Variants in ITGB6 observed in about 807,000 individuals in gnomAD.
The protein encoded by ITGB6 is integrin beta-6.
In ITGB6, 80 loss-of-function variants were observed where a neutral mutation model predicts 84.5. That is an observed-to-expected ratio of 0.95 (90% CI 0.79 to 1.14). The LOEUF is 1.14. Among genes scored for constraint, ITGB6 ranks in the 50% most tolerant of loss-of-function variants. The probability of loss-of-function intolerance (pLI) is 0.00; values close to 1 mark genes in which losing one functional copy is unlikely to be tolerated. For synonymous variants in ITGB6, 383 were observed against 354.9 expected, an observed-to-expected ratio of 1.08 and a Z score of -0.89; for missense variants, 1,006 against 968.0, an observed-to-expected ratio of 1.04 and a Z score of -0.52.
In ITGB6 at chr2:160,126,552, A is replaced by G; in HGVS notation, c.1710T>C (p.Thr570=). Residue 570 remains threonine, a synonymous_variant, in exon 11 of 15, where the codon ACT becomes ACC. Coordinates refer to ENST00000283249, the MANE Select transcript of ITGB6 (RefSeq NM_000888.5). ...CGECVCRSGW[T]GEYCNCTTST... ...TGGTGGTGCAGTTGCAGTACTCGCCAGTCCAGCCGCTCCTGCACACACATT... is the reference window on the plus strand; with the variant it reads ...TGGTGGTGCAGTTGCAGTACTCGCCGGTCCAGCCGCTCCTGCACACACATT... 1 of 1,613,950 alleles carries G rather than the reference A, an allele frequency of 6.2e-7. No individual in the cohort carries two copies. The highest frequency in any genetic ancestry group is 8.5e-7 in the Non-Finnish European group (1 of 1,179,994).
At chr2:160,143,880 G>A (rs1684092424) in intron 7 of ITGB6, among the ~76,000 whole-genome samples, 1 of 152,192 alleles carries the variant, frequency 6.6e-6, no homozygotes, top group Admixed American at 6.5e-5. Context: ...CCGGGCACTT[G>A]CTAGAAGTGG....
At chr2:160,122,559 T>C (rs780341882) in intron 12 of ITGB6, among the ~76,000 whole-genome samples, 10 of 152,188 alleles carry the variant, frequency 6.6e-5, no homozygotes, top group Non-Finnish European at 1.2e-4. Context: ...CAGGTACTAA[T>C]GTGGGAAGTC....
At chr2:160,154,989 G>A (rs1171682814) in intron 7 of ITGB6, among the ~76,000 whole-genome samples, 1 of 152,052 alleles carries the variant, frequency 6.6e-6, no homozygotes, top group African/African-American at 2.4e-5. Context: ...AGTGAGTGAG[G>A]TCTCATGAGA....
chr2:160,134,336 T>C (rs1424530077), intron 10 of ITGB6, among the ~76,000 whole-genome samples: 3 of 151,834 alleles, frequency 2.0e-5, no homozygotes, highest in Non-Finnish European at 4.4e-5. Context: ...ACACATACAC[T>C]CTCCCAAGAC....
rs529980750 is a variant in ITGB6 at position 160,153,610 on chromosome 2, C to T, written c.1018-11539G>A. On this transcript the variant is annotated intron_variant, in intron 7 of 14. Coordinates refer to ENST00000283249, the MANE Select transcript of ITGB6 (RefSeq NM_000888.5). Reference sequence around the variant, plus strand: ...AATGGGATCTAATTAAACTAAAGAGCTTCTGCACAGTAAAAGAAACTACCA... The same window carrying T: ...AATGGGATCTAATTAAACTAAAGAGTTTCTGCACAGTAAAAGAAACTACCA... Among the ~76,000 whole-genome samples the T allele has an allele frequency of 8.7e-3, 1,326 of 152,254 alleles. 26 individuals are homozygous for T. Among genetic ancestry groups the T allele is most frequent in the African/African-American group, 0.031 (1,279 of 41,562 alleles).
chr2:160,170,143 T>C (rs1232383257), intron 6 of ITGB6, among the ~76,000 whole-genome samples: 3 of 152,160 alleles, frequency 2.0e-5, no homozygotes, highest in East Asian at 1.9e-4. Flanking sequence ...AAGTAACATA[T>C]GTTAATTATG....
At chr2:160,183,342 G>T (rs1489610188) in intron 4 of ITGB6, among the ~76,000 whole-genome samples, 2 of 151,904 alleles carry the variant, frequency 1.3e-5, no homozygotes, top group Non-Finnish European at 2.9e-5. Context: ...TTACAATCCT[G>T]GTCTCTGATA....
intron 3 of ITGB6, among the ~76,000 whole-genome samples, chr2:160,195,994 T>A (rs1183823625): frequency 7.2e-5 from 11 of 152,200 alleles, no homozygotes; most frequent in Non-Finnish European, 4.4e-5. Context: ...ATAATTTAAA[T>A]GGTTACTATT....
At chr2:160,144,040 G>A (rs969757292) in intron 7 of ITGB6, among the ~76,000 whole-genome samples, 1 of 152,094 alleles carries the variant, frequency 6.6e-6, no homozygotes, top group Non-Finnish European at 1.5e-5. Flanking sequence ...TGTTGTTGTT[G>A]TTAATTTTTA....
chr2:160,170,579 GT>G (rs1685163293), intron 6 of ITGB6, among the ~76,000 whole-genome samples: 1 of 152,160 alleles, frequency 6.6e-6, no homozygotes, highest in African/African-American at 2.4e-5. Flanking sequence ...AGCGAAGCTG[GT>G]TTTCTATTTG....
intron 4 of ITGB6, among the ~76,000 whole-genome samples, chr2:160,180,789 C>A (rs952751042): frequency 4.6e-5 from 7 of 152,124 alleles, no homozygotes; most frequent in Admixed American, 3.3e-4. Context: ...CTGAGGTACC[C>A]AGCTCATCTC....
chr2:160,143,859 T>C (rs1047671080), intron 7 of ITGB6, among the ~76,000 whole-genome samples: 1 of 152,126 alleles, frequency 6.6e-6, no homozygotes, highest in Non-Finnish European at 1.5e-5. Flanking sequence ...ACAGAATGCA[T>C]GCAGGGTGCC....
At chr2:160,172,452 A>G in intron 6 of ITGB6, 117 bp downstream of exon 6, 2 of 1,014,208 alleles carry the variant, frequency 2.0e-6, no homozygotes, top group East Asian at 2.4e-5. Flanking sequence ...TTAATCCCAC[A>G]TTAGAAAATG....
rs1490256059 is a variant in ITGB6 at position 160,112,262 on chromosome 2, A to G, written c.1982-63T>C. Reference sequence around the variant, plus strand: ...TTCCAAAAGAGATTGTTTTTAAAACAAAGTAGTATTGAGTTTTAATATGTA... The same window carrying G: ...TTCCAAAAGAGATTGTTTTTAAAACGAAGTAGTATTGAGTTTTAATATGTA... On this transcript the variant is annotated intron_variant, in intron 12 of 14. Transcript: ENST00000283249. The G allele has an allele frequency of 2.2e-5, 32 of 1,450,890 alleles. No individual in the cohort carries two copies. The South Asian group carries it at 3.7e-4, about 17-fold the overall frequency. 89.9% of individuals were successfully genotyped at this position (1,450,890 alleles called of 1,614,324 possible). A position where few individuals can be genotyped will look rare whatever the true frequency, so the allele number is the denominator to read the frequency against.
chr2:160,128,647 C>T (rs1683332518), intron 10 of ITGB6, among the ~76,000 whole-genome samples: 1 of 152,000 alleles, frequency 6.6e-6, no homozygotes, highest in South Asian at 2.1e-4. Context: ...GCGATTGGTG[C>T]CAGGCGGAGG....
chr2:160,179,219 G>A (rs1188054306), intron 4 of ITGB6, among the ~76,000 whole-genome samples: 2 of 151,254 alleles, frequency 1.3e-5, no homozygotes, highest in East Asian at 1.9e-4. Flanking sequence ...TATTAATATC[G>A]TCTTTTCCTG....
rs199902032 is a variant in ITGB6, at chr2:160,147,097, A to AAG, written c.1018-5027_1018-5026insCT. ...AGACCTTGCCTCAGAAAAAAAAAAA[A>AAG]AAAAGAAAGAAAAGGAAAGGAAAGG... is the stretch of plus-strand genomic sequence containing the variant. On this transcript the variant is annotated intron_variant, in intron 7 of 14. Transcript: ENST00000283249. 8.3e-3 allele frequency among the ~76,000 whole-genome samples: 1,260 copies of AAG among 151,642 alleles called. 28 individuals carry two copies. The highest frequency in any genetic ancestry group is 0.029 in the African/African-American group (1,217 of 41,312).
At chr2:160,195,644 C>G in intron 3 of ITGB6, 29 bp from the exon 4 acceptor site, 1 of 1,611,428 alleles carries the variant, frequency 6.2e-7, no homozygotes, top group South Asian at 1.1e-5. Context: ...AAAGCAAACC[C>G]AGGAAAACAC....
At chr2:160,157,883 G>T (rs1186379551) in intron 7 of ITGB6, among the ~76,000 whole-genome samples, 1 of 152,112 alleles carries the variant, frequency 6.6e-6, no homozygotes, top group Non-Finnish European at 1.5e-5. Context: ...GGCGGACTGG[G>T]TTTGCTGAAA....
Sources: allele counts gnomAD v4.1 joint callset (sites outside exome capture counted in the v4.1 genomes callset), GRCh38; gene constraint gnomAD v4.1.1; transcripts MANE v1.5; gene names NCBI Gene and HGNC (gene_info 2026-07-23, HGNC 2026-07-21).